The following ENOX1 variants were observed in gnomAD, a reference collection of about 807,000 sequenced individuals.
The protein encoded by ENOX1 is ecto-NOX disulfide-thiol exchanger 1.
A neutral mutation model predicts 82.5 loss-of-function variants in ENOX1; 42 were observed. The observed-to-expected ratio is 0.51, with a 90% CI of 0.40 to 0.66. The LOEUF is 0.66. Ranked by LOEUF, ENOX1 falls within the 30% of genes least tolerant of loss-of-function variation. The pLI is 0.00. For synonymous variants in ENOX1, 271 were observed against 282.2 expected (o/e 0.96, Z 0.40); for missense variants, 608 against 811.6 (o/e 0.75, Z 3.05).
chr13:43,284,771 G>GGTGTGTGTGT (rs72187459), intron 12 of ENOX1, among the ~76,000 whole-genome samples: 87 of 143,770 alleles, frequency 6.1e-4, no homozygotes, highest in African/African-American at 2.2e-3. Flanking sequence ...ATTTGTTAAA[G>GGTGTGTGTGT]GTGTGTGTGT....
Position 43,601,005 on chromosome 13 carries a change from C to A in ENOX1, c.-219+66474G>T, listed in dbSNP as rs76131831. On this transcript the variant is annotated intron_variant, in intron 2 of 16. Coordinates refer to ENST00000690772, the MANE Select transcript of ENOX1 (RefSeq NM_001347969.2). ...CTAATGCAGATATGGCTGCAAGGAC[C>A]AAAAACTTATAACACTAACATCTTT... 4.3e-3 allele frequency among the ~76,000 whole-genome samples: 661 copies of A among 152,230 alleles called. 26 individuals carry two copies. In the East Asian group the frequency reaches 0.084, roughly 19 times the overall value.
chr13:43,382,466 T>C (rs906599108), intron 5 of ENOX1, among the ~76,000 whole-genome samples: 1 of 152,190 alleles, frequency 6.6e-6, no homozygotes, highest in African/African-American at 2.4e-5. Context: ...CATCAGGATA[T>C]ATGACAACAT....
At chr13:43,357,178 G>A (rs1287506632) in intron 7 of ENOX1, among the ~76,000 whole-genome samples, 6 of 152,138 alleles carry the variant, frequency 3.9e-5, no homozygotes, top group African/African-American at 1.4e-4. Flanking sequence ...CCAGAGGAGA[G>A]AGCAACATAA....
chr13:43,489,678 G>A (rs1434872512), intron 2 of ENOX1, among the ~76,000 whole-genome samples: 1 of 152,124 alleles, frequency 6.6e-6, no homozygotes, highest in Non-Finnish European at 1.5e-5. Flanking sequence ...AGAGCTACAA[G>A]GGCTGAACTC....
At chr13:43,373,657 C>A (rs953606980) in intron 5 of ENOX1, among the ~76,000 whole-genome samples, 3 of 152,142 alleles carry the variant, frequency 2.0e-5, no homozygotes, top group African/African-American at 7.2e-5. Context: ...CAGCACCAGA[C>A]TTTTAAAAAT....
In ENOX1 at chr13:43,239,153, A is replaced by G. The variant is rs1205970214; in HGVS notation, c.1612-2415T>C. 2.0e-5 allele frequency among the ~76,000 whole-genome samples: 3 copies of G among 152,334 alleles called. No individual in the cohort carries two copies. The East Asian group carries it at 5.8e-4, about 29-fold the overall frequency. ...GAGAGATAAGAGTCTTAGGGTCACC[A>G]TTCTGTGGAAGTATTTCTTGAGATT... On this transcript the variant is annotated intron_variant, in intron 14 of 16. Coordinates refer to ENST00000690772, the MANE Select transcript of ENOX1 (RefSeq NM_001347969.2).
intron 1 of ENOX1, among the ~76,000 whole-genome samples, chr13:43,696,969 G>A (rs896956335): frequency 1.3e-5 from 2 of 152,076 alleles, no homozygotes; most frequent in African/African-American, 2.4e-5. Flanking sequence ...AAGGCACAGA[G>A]TGAAACATAC....
intron 15 of ENOX1, among the ~76,000 whole-genome samples, chr13:43,226,416 C>A (rs1001671399): frequency 2.0e-5 from 3 of 152,164 alleles, no homozygotes; most frequent in African/African-American, 7.2e-5. Flanking sequence ...TTTATCATTT[C>A]TTTGTGTTGA....
chr13:43,604,901 A>C (rs1019279810), intron 2 of ENOX1, among the ~76,000 whole-genome samples: 1 of 152,216 alleles, frequency 6.6e-6, no homozygotes, highest in Non-Finnish European at 1.5e-5. Context: ...AGAAATGATA[A>C]ATTTCAGTAA....
chr13:43,319,644 G>A (rs1212282898), intron 11 of ENOX1, among the ~76,000 whole-genome samples: 1 of 152,152 alleles, frequency 6.6e-6, no homozygotes, highest in Non-Finnish European at 1.5e-5. Context: ...GGGGACCACA[G>A]ACAGAGCGCC....
chr13:43,500,008 T>C (rs1401909653), intron 2 of ENOX1, among the ~76,000 whole-genome samples: 1 of 151,986 alleles, frequency 6.6e-6, no homozygotes, highest in Non-Finnish European at 1.5e-5. Flanking sequence ...CTCAAGGATA[T>C]GTCATTTCGA....
At chr13:43,448,652 T>C (rs10492567) in intron 3 of ENOX1, among the ~76,000 whole-genome samples, 2,093 of 152,308 alleles carry the variant, frequency 0.014, 58 homozygotes, top group African/African-American at 0.047. Flanking sequence ...TCATTCTTCA[T>C]TGATCTAGAT....
intron 1 of ENOX1, among the ~76,000 whole-genome samples, chr13:43,785,757 A>AC: frequency 6.6e-6 from 1 of 151,074 alleles, no homozygotes; most frequent in African/African-American, 2.4e-5. Flanking sequence ...CTCCAGAACC[A>AC]CCCCCCTTCC....
intron 2 of ENOX1, among the ~76,000 whole-genome samples, chr13:43,542,862 C>G (rs1356568394): frequency 6.6e-6 from 1 of 152,152 alleles, no homozygotes; most frequent in African/African-American, 2.4e-5. Flanking sequence ...CTAGTGAGGG[C>G]TCGCTTCCTG....
intron 12 of ENOX1, among the ~76,000 whole-genome samples, chr13:43,285,810 CAAAAAAAAA>C (rs11417324): frequency 4.4e-5 from 3 of 67,454 alleles, no homozygotes; most frequent in East Asian, 1.0e-3. Context: ...GACTCTGTCT[CAAAAAAAAA>C]AAAAAAAAAA....
intron 5 of ENOX1, among the ~76,000 whole-genome samples, chr13:43,392,258 G>C (rs1226302232): frequency 6.6e-6 from 1 of 152,130 alleles, no homozygotes; most frequent in Non-Finnish European, 1.5e-5. Flanking sequence ...CAGTTTACTT[G>C]TTTACTACCT....
chr13:43,364,777 C>A (rs2050743880), intron 5 of ENOX1, among the ~76,000 whole-genome samples: 2 of 152,172 alleles, frequency 1.3e-5, no homozygotes, highest in Admixed American at 6.5e-5. Flanking sequence ...AAGTTCCCCA[C>A]TTGAGTTTGA....
At chr13:43,651,693 T>G (rs1294922280) in intron 2 of ENOX1, among the ~76,000 whole-genome samples, 2 of 54,086 alleles carry the variant, frequency 3.7e-5, no homozygotes, top group African/African-American at 5.0e-5. Context: ...CGAGACTCTG[T>G]CTAAAAAAAA....
At chr13:43,719,913 C>T (rs112884950) in intron 1 of ENOX1, among the ~76,000 whole-genome samples, 2 of 152,288 alleles carry the variant, frequency 1.3e-5, no homozygotes, top group African/African-American at 4.8e-5. Flanking sequence ...ATAACAGCAA[C>T]ATTTGTAAAT....
Sources: allele counts gnomAD v4.1 joint callset (sites outside exome capture counted in the v4.1 genomes callset), GRCh38; gene constraint gnomAD v4.1.1; transcripts MANE v1.5; gene names NCBI Gene and HGNC (gene_info 2026-07-23, HGNC 2026-07-21).